The following RNF111 variants were observed in gnomAD, a reference collection of about 807,000 sequenced individuals.
The protein encoded by RNF111 is E3 ubiquitin-protein ligase Arkadia.
A neutral mutation model predicts 95.1 loss-of-function variants in RNF111; 17 were observed. The observed-to-expected ratio is 0.18, with a 90% confidence interval of 0.12 to 0.27. The LOEUF is 0.27. Ranked by LOEUF, RNF111 falls within the 10% of genes least tolerant of loss-of-function variation. The probability of loss-of-function intolerance (pLI) is 1.00; values close to 1 mark genes in which losing one functional copy is unlikely to be tolerated. For missense variants in RNF111, 1,189 were observed against 1,210.4 expected, an observed-to-expected ratio of 0.98 and a Z score of 0.26; for synonymous variants, 440 against 414.8, an observed-to-expected ratio of 1.06 and a Z score of -0.74.
At chr15:59,053,958 CAG>C (rs1215263827) in intron 3 of RNF111, among the ~76,000 whole-genome samples, 1 of 152,030 alleles carries the variant, frequency 6.6e-6, no homozygotes, top group Non-Finnish European at 1.5e-5. Flanking sequence ...TTTTTTGAGA[CAG>C]AGTCTCCCTC....
chr15:59,081,477 TTTG>T (rs1183516187), intron 8 of RNF111, among the ~76,000 whole-genome samples, 193 bp downstream of exon 8: 16 of 151,632 alleles, frequency 1.1e-4, no homozygotes, highest in African/African-American at 3.2e-4. Flanking sequence ...AATACTGTTT[TTTG>T]TTGTTGTTGT....
chr15:59,051,799 AAAT>A (rs1225321888), intron 2 of RNF111, among the ~76,000 whole-genome samples: 15 of 151,780 alleles, frequency 9.9e-5, no homozygotes, highest in African/African-American at 3.6e-4. Context: ...ATAAATAAAT[AAAT>A]AAATGAATAA....
rs1206746338 is a variant in RNF111 at position 59,071,688 on chromosome 15, C to T, written c.1687-4266C>T. Among the ~76,000 whole-genome samples, 84 of 146,158 alleles carry T rather than the reference C, an allele frequency of 5.7e-4. 1 individual carries two copies. The highest frequency in any genetic ancestry group is 2.0e-3 in the African/African-American group (79 of 39,270). Reference sequence around the variant, plus strand: ...CCAGCCTGGGTAACAGAGATCCTGTCGCAAAAAAAAAAAAAAATAAAGTTT... The same window carrying T: ...CCAGCCTGGGTAACAGAGATCCTGTTGCAAAAAAAAAAAAAAATAAAGTTT... On this transcript the variant is annotated intron_variant, in intron 6 of 13. Transcript: ENST00000348370.
chr15:59,063,594 A>G (rs1379488430), intron 5 of RNF111, among the ~76,000 whole-genome samples: 1 of 152,160 alleles, frequency 6.6e-6, no homozygotes, highest in East Asian at 1.9e-4. Flanking sequence ...CCTCTAATTT[A>G]TGACAGTTTT....
intron 2 of RNF111, among the ~76,000 whole-genome samples, chr15:59,049,222 T>C (rs549858709): frequency 6.6e-6 from 1 of 152,236 alleles, no homozygotes; most frequent in South Asian, 2.1e-4. Context: ...CCACTCTTCT[T>C]TCTGTTTCTA....
At chr15:59,040,984 A>T (rs2041420730) in intron 2 of RNF111, among the ~76,000 whole-genome samples, 2 of 151,984 alleles carry the variant, frequency 1.3e-5, no homozygotes, top group South Asian at 4.2e-4. Flanking sequence ...TAACTCTTTC[A>T]TTTTTTTTCT....
Position 59,052,916 on chromosome 15 carries a change from T to C in RNF111, c.1007+485T>C, listed in dbSNP as rs139508391. ...TTTTACTTAGTGTTTTATAAAATTG[T>C]GTTTTTTAATGATATGGAGAATTGA... On this transcript the variant is annotated intron_variant, in intron 3 of 13. Transcript: ENST00000348370. Among the ~76,000 whole-genome samples the C allele has an allele frequency of 2.9e-3, 448 of 152,310 alleles. 1 individual carries two copies. The highest frequency in any genetic ancestry group is 6.2e-3 in the Admixed American group (95 of 15,294).
chr15:59,020,220 A>G (rs1208513292), intron 1 of RNF111, among the ~76,000 whole-genome samples: 2 of 149,696 alleles, frequency 1.3e-5, no homozygotes, highest in South Asian at 2.1e-4. Context: ...TCTATATACA[A>G]TAAAGATAAT....
intron 1 of RNF111, among the ~76,000 whole-genome samples, chr15:59,005,216 C>G (rs1440568671): frequency 1.3e-5 from 2 of 152,144 alleles, no homozygotes; most frequent in Admixed American, 6.6e-5. Context: ...TTTGTCGAGA[C>G]AGTCTCACCT....
intron 1 of RNF111, among the ~76,000 whole-genome samples, chr15:59,027,160 A>G (rs1376336273): frequency 6.6e-6 from 1 of 152,216 alleles, no homozygotes; most frequent in Non-Finnish European, 1.5e-5. Context: ...TCCATTATCA[A>G]CATGAGGACT....
intron 12 of RNF111, among the ~76,000 whole-genome samples, chr15:59,092,057 A>G (rs1285245144): frequency 6.6e-6 from 1 of 152,194 alleles, no homozygotes; most frequent in Non-Finnish European, 1.5e-5. Context: ...AATAATCATA[A>G]AGTGTGAAAA....
At chr15:59,071,073 G>A (rs966468438) in intron 6 of RNF111, among the ~76,000 whole-genome samples, 7 of 152,140 alleles carry the variant, frequency 4.6e-5, no homozygotes, top group Admixed American at 2.0e-4. Flanking sequence ...TGAGGCAGGC[G>A]GATCATGAAG....
rs141592141 is a variant in RNF111 at position 59,032,889 on chromosome 15, A to ACTCTCT, written c.880+1199_880+1204dup. 2.7e-5 allele frequency among the ~76,000 whole-genome samples: 4 copies of ACTCTCT among 149,310 alleles called. No individual in the cohort carries two copies. The South Asian group carries it at 8.5e-4, about 32-fold the overall frequency. On this transcript the variant is annotated intron_variant, in intron 2 of 13. Transcript: ENST00000348370. ...TGTGTGCTCTTGCTCATGCGTGCTGACTCTCTCTCTCTCTCTCACACACAC... is the reference window on the plus strand; with the variant it reads ...TGTGTGCTCTTGCTCATGCGTGCTGACTCTCTCTCTCTCTCTCTCTCTCACACACAC...
At chr15:59,011,384 C>A (rs1208261666) in intron 1 of RNF111, among the ~76,000 whole-genome samples, 1 of 152,180 alleles carries the variant, frequency 6.6e-6, no homozygotes, top group Non-Finnish European at 1.5e-5. Flanking sequence ...TTTATTCATT[C>A]TTGTGTTTAC....
At chr15:59,090,204 G>T (rs1288558218) in intron 11 of RNF111, among the ~76,000 whole-genome samples, 3 of 136,928 alleles carry the variant, frequency 2.2e-5, no homozygotes, top group Non-Finnish European at 4.7e-5. Flanking sequence ...GTTGTGGTTT[G>T]TTTTTTTGTT....
At chr15:59,058,075 CA>C (rs544812593) in intron 4 of RNF111, among the ~76,000 whole-genome samples, 5 of 152,230 alleles carry the variant, frequency 3.3e-5, no homozygotes, top group Admixed American at 2.6e-4. Context: ...ATAGATCAGA[CA>C]ACTTATTTAG....
At chr15:59,036,481 A>C (rs2041185216) in intron 2 of RNF111, among the ~76,000 whole-genome samples, 3 of 152,340 alleles carry the variant, frequency 2.0e-5, no homozygotes, top group South Asian at 4.1e-4. Flanking sequence ...GGCAGCAGGC[A>C]AGAGAGAGCT....
chr15:59,039,733 T>G (rs1393061893), intron 2 of RNF111, among the ~76,000 whole-genome samples: 2 of 152,088 alleles, frequency 1.3e-5, no homozygotes, highest in Non-Finnish European at 2.9e-5. Flanking sequence ...TTTTTTTTTT[T>G]TTGAGACGGA....
chr15:58,990,372 G>C (rs2955704), intron 1 of RNF111, among the ~76,000 whole-genome samples: 4 of 152,042 alleles, frequency 2.6e-5, no homozygotes, highest in South Asian at 2.1e-4. Context: ...CTGTCATGAA[G>C]CTGTGGGCCA....
Sources: allele counts gnomAD v4.1 joint callset (sites outside exome capture counted in the v4.1 genomes callset), GRCh38; gene constraint gnomAD v4.1.1; transcripts MANE v1.5; gene names NCBI Gene and HGNC (gene_info 2026-07-23, HGNC 2026-07-21).